The following PKN2 variants were observed in gnomAD, a reference collection of about 807,000 sequenced individuals.
The protein encoded by PKN2 is protein kinase N2, also known as serine/threonine-protein kinase N2.
PKN2 carries 38 observed loss-of-function variants against 119.1 expected under a neutral mutation model. The ratio of observed to expected loss-of-function variants is 0.32; its 90% CI spans 0.25 to 0.42. PKN2 has a LOEUF of 0.42. Ranked by LOEUF, PKN2 falls within the 10% of genes least tolerant of loss-of-function variation. The probability of loss-of-function intolerance (pLI) is 1.00; values close to 1 mark genes in which losing one functional copy is unlikely to be tolerated. For missense variants in PKN2, 850 were observed against 1,165.1 expected (o/e 0.73, Z 3.94); for synonymous variants, 390 against 384.9 (o/e 1.01, Z -0.15).
At chr1:88,736,106 C>G (rs897586180) in intron 1 of PKN2, among the ~76,000 whole-genome samples, 1 of 152,020 alleles carries the variant, frequency 6.6e-6, no homozygotes, top group Non-Finnish European at 1.5e-5. Flanking sequence ...CTGATAGATT[C>G]TGCTGTTGAT....
chr1:88,815,758 A>G (rs1671961282), intron 16 of PKN2, among the ~76,000 whole-genome samples: 2 of 152,262 alleles, frequency 1.3e-5, no homozygotes. Flanking sequence ...AATGAAAATA[A>G]CTGACACAAT....
chr1:88,786,141 G>C lies in PKN2; in HGVS notation c.1209G>C (p.Val403=). ...VCAVLKLDNT[V]VGQTSWKPIS... ...CTGTTTTGAAGCTCGATAATACTGTGGTTGGCCAAACTAGCTGGAAACCCA... is the reference window on the plus strand; with the variant it reads ...CTGTTTTGAAGCTCGATAATACTGTCGTTGGCCAAACTAGCTGGAAACCCA... Residue 403 remains valine, a synonymous_variant, in exon 8 of 22, where the codon GTG becomes GTC. Transcript: ENST00000370521. 2 of 1,612,664 alleles carry C rather than the reference G, an allele frequency of 1.2e-6. No individual in the cohort carries two copies. Among genetic ancestry groups the C allele is most frequent in the Admixed American group, 1.7e-5 (1 of 60,006 alleles).
At chr1:88,784,196 T>C (rs1670475105) in intron 6 of PKN2, among the ~76,000 whole-genome samples, 1 of 146,010 alleles carries the variant, frequency 6.8e-6, no homozygotes, top group South Asian at 2.2e-4. Flanking sequence ...CAATCTTGGC[T>C]CACTGCAACC....
chr1:88,745,877 A>C (rs1265796746), intron 2 of PKN2, among the ~76,000 whole-genome samples: 1 of 152,218 alleles, frequency 6.6e-6, no homozygotes, highest in Non-Finnish European at 1.5e-5. Context: ...ACATAAAAAT[A>C]GACTCATTAA....
At chr1:88,694,255 T>C (rs1666442133) in intron 1 of PKN2, among the ~76,000 whole-genome samples, 1 of 152,192 alleles carries the variant, frequency 6.6e-6, no homozygotes, top group African/African-American at 2.4e-5. Flanking sequence ...ACTAAGCTTA[T>C]TCTCTGTGTT....
chr1:88,789,585 C>A (rs1043744467), intron 8 of PKN2, among the ~76,000 whole-genome samples: 2 of 151,960 alleles, frequency 1.3e-5, no homozygotes, highest in African/African-American at 4.8e-5. Flanking sequence ...TCTGCTTAAA[C>A]CCCGGAGGCA....
intron 2 of PKN2, among the ~76,000 whole-genome samples, chr1:88,755,710 G>C (rs1669171000): frequency 6.6e-6 from 1 of 152,130 alleles, no homozygotes; most frequent in African/African-American, 2.4e-5. Context: ...GAGATGTTAA[G>C]TAAGTATATA....
intron 3 of PKN2, among the ~76,000 whole-genome samples, chr1:88,767,845 C>G (rs1557597657): frequency 2.0e-5 from 3 of 152,100 alleles, no homozygotes; most frequent in Non-Finnish European, 4.4e-5. Context: ...TTTTATTCCC[C>G]TTATCTCCAA....
rs543630450 is a variant in PKN2 at position 88,684,725 on chromosome 1, G to A, written c.48+97G>A. 4.7e-6 allele frequency: 5 copies of A among 1,063,838 alleles called. No individual in the cohort carries two copies. In the African/African-American group the frequency reaches 6.7e-5, roughly 14 times the overall value. The allele number at this position is 1,063,838 out of a possible 1,614,324, so 65.9% of individuals were successfully genotyped here. On this transcript the variant is annotated intron_variant, in intron 1 of 21. Transcript: ENST00000370521. ...CCGAGGAAAGCCCTGCGGCCGCCGCGCCCCTAGCCCGCTAAGTGCGGAAAC... is the reference window on the plus strand; with the variant it reads ...CCGAGGAAAGCCCTGCGGCCGCCGCACCCCTAGCCCGCTAAGTGCGGAAAC...
intron 1 of PKN2, among the ~76,000 whole-genome samples, chr1:88,705,200 A>G (rs570172336): frequency 6.6e-6 from 1 of 151,920 alleles, no homozygotes; most frequent in East Asian, 1.9e-4. Context: ...CAGTTTATCA[A>G]CATTTTTCTT....
chr1:88,785,352 G>A (rs1372615132), intron 7 of PKN2, among the ~76,000 whole-genome samples: 6 of 152,076 alleles, frequency 3.9e-5, no homozygotes, highest in African/African-American at 1.4e-4. Context: ...TCGAACTCAG[G>A]GGCTCTAGCT....
intron 6 of PKN2, among the ~76,000 whole-genome samples, chr1:88,773,744 A>G (rs1570608900): frequency 6.6e-6 from 1 of 152,092 alleles, no homozygotes; most frequent in Admixed American, 6.6e-5. Flanking sequence ...CCACCACTGC[A>G]CTCCAGCCTG....
chr1:88,778,523 T>C (rs77029647), intron 6 of PKN2, among the ~76,000 whole-genome samples: 2,565 of 152,302 alleles, frequency 0.017, 28 homozygotes, highest in Non-Finnish European at 0.026. Context: ...CCCAATAATA[T>C]GTAGAAGCAT....
intron 1 of PKN2, among the ~76,000 whole-genome samples, chr1:88,692,501 CT>C (rs1666373151): frequency 6.6e-6 from 1 of 152,082 alleles, no homozygotes; most frequent in Admixed American, 6.5e-5. Flanking sequence ...ATAAAAGATC[CT>C]TTGGTTATCC....
intron 2 of PKN2, among the ~76,000 whole-genome samples, chr1:88,742,965 C>G (rs1258393633): frequency 6.6e-6 from 1 of 152,056 alleles, no homozygotes; most frequent in Non-Finnish European, 1.5e-5. Context: ...CCAAGGCAGG[C>G]GGATCACTTG....
intron 15 of PKN2, among the ~76,000 whole-genome samples, 153 bp downstream of exon 15, chr1:88,807,928 G>C (rs1329120896): frequency 6.6e-6 from 1 of 152,090 alleles, no homozygotes; most frequent in Non-Finnish European, 1.5e-5. Context: ...GTAGACATTA[G>C]TTTTTCTTTT....
At chr1:88,736,936 T>C (rs756503574) in intron 1 of PKN2, among the ~76,000 whole-genome samples, 4 of 152,188 alleles carry the variant, frequency 2.6e-5, no homozygotes, top group African/African-American at 4.8e-5. Flanking sequence ...GAGTTTCCAC[T>C]GGGGCCAGGA....
intron 15 of PKN2, among the ~76,000 whole-genome samples, chr1:88,808,070 CTG>C (rs1347512005): frequency 3.3e-5 from 5 of 151,824 alleles, no homozygotes; most frequent in Non-Finnish European, 7.4e-5. Flanking sequence ...GGAATAGAAA[CTG>C]TTATTCATCT....
intron 1 of PKN2, among the ~76,000 whole-genome samples, chr1:88,690,701 GT>G (rs1387293271): frequency 2.0e-5 from 3 of 150,220 alleles, no homozygotes; most frequent in Non-Finnish European, 4.4e-5. Context: ...ATCATACTTG[GT>G]TTTTTTTTGC....
Sources: gnomAD v4.1 joint callset for allele counts (sites outside exome capture counted in the v4.1 genomes callset) on GRCh38, gnomAD v4.1.1 for gene constraint, MANE v1.5 for transcripts, NCBI Gene and HGNC (gene_info 2026-07-23, HGNC 2026-07-21) for gene names.